The following ASIC2 variants were observed in gnomAD, a reference collection of about 807,000 sequenced individuals.
ASIC2 encodes acid-sensing ion channel 2.
A neutral mutation model predicts 57.3 loss-of-function variants in ASIC2; 25 were observed. That is an observed-to-expected ratio of 0.44 (90% confidence interval 0.32 to 0.61). The LOEUF (loss-of-function observed/expected upper bound fraction) is 0.61. ASIC2 is among the 20% of genes least tolerant of loss of function. ASIC2 has a pLI of 0.06. For missense variants in ASIC2, 641 were observed against 738.1 expected (o/e 0.87, Z 1.52); for synonymous variants, 319 against 307.5 (o/e 1.04, Z -0.39).
At chr17:33,457,255 T>C (rs1233386360) in intron 1 of ASIC2, among the ~76,000 whole-genome samples, 3 of 152,088 alleles carry the variant, frequency 2.0e-5, no homozygotes, top group Non-Finnish European at 4.4e-5. Flanking sequence ...TCTTTTTTTT[T>C]TTTTTACAAA....
chr17:33,128,974 A>G (rs1394214764), intron 1 of ASIC2, among the ~76,000 whole-genome samples: 2 of 152,200 alleles, frequency 1.3e-5, no homozygotes, highest in African/African-American at 4.8e-5. Flanking sequence ...TTTCTTATTT[A>G]TCCAAGTACT....
intron 1 of ASIC2, among the ~76,000 whole-genome samples, chr17:33,907,032 G>T (rs750580779): frequency 2.0e-5 from 3 of 152,130 alleles, no homozygotes; most frequent in Admixed American, 1.3e-4. Context: ...GATGTAATCA[G>T]CTCTTAACAA....
At chr17:33,760,089 C>G (rs1331148945) in intron 1 of ASIC2, among the ~76,000 whole-genome samples, 2 of 152,062 alleles carry the variant, frequency 1.3e-5, no homozygotes, top group Non-Finnish European at 2.9e-5. Context: ...AACTAAGATA[C>G]TGTCTCACCA....
At chr17:33,619,826 T>G (rs553731529) in intron 1 of ASIC2, among the ~76,000 whole-genome samples, 1 of 151,972 alleles carries the variant, frequency 6.6e-6, no homozygotes, top group Admixed American at 6.5e-5. Flanking sequence ...GTATGCAACC[T>G]AGCAGATATT....
intron 1 of ASIC2, among the ~76,000 whole-genome samples, chr17:33,202,863 G>A (rs1473014131): frequency 6.6e-6 from 1 of 152,116 alleles, no homozygotes; most frequent in Non-Finnish European, 1.5e-5. Context: ...ATGTCCTTCA[G>A]GAGTGGGTGG....
intron 1 of ASIC2, among the ~76,000 whole-genome samples, chr17:33,322,047 C>G (rs1189486773): frequency 6.6e-6 from 1 of 152,126 alleles, no homozygotes; most frequent in Non-Finnish European, 1.5e-5. Flanking sequence ...TGTGTTCCAC[C>G]CCTAGAGAGT....
At chr17:33,865,144 T>C (rs1914197425) in intron 1 of ASIC2, among the ~76,000 whole-genome samples, 1 of 152,172 alleles carries the variant, frequency 6.6e-6, no homozygotes, top group Non-Finnish European at 1.5e-5. Flanking sequence ...TCAGGGGACC[T>C]GGGGTGATCC....
chr17:33,649,503 T>C (rs1475768921), intron 1 of ASIC2, among the ~76,000 whole-genome samples: 4 of 152,224 alleles, frequency 2.6e-5, no homozygotes, highest in Admixed American at 6.5e-5. Flanking sequence ...AAAATCCTAG[T>C]ATTTTTTTAG....
At chr17:33,768,170 T>A (rs1910990789) in intron 1 of ASIC2, among the ~76,000 whole-genome samples, 1 of 150,982 alleles carries the variant, frequency 6.6e-6, no homozygotes, top group Admixed American at 6.6e-5. Flanking sequence ...CACCGCGCCC[T>A]GCTAATTTTT....
intron 3 of ASIC2, among the ~76,000 whole-genome samples, chr17:33,062,249 A>T (rs1328166589): frequency 6.6e-6 from 1 of 151,856 alleles, no homozygotes; most frequent in East Asian, 1.9e-4. Flanking sequence ...TTTAATTGTG[A>T]TGTTAGGGTG....
intron 1 of ASIC2, among the ~76,000 whole-genome samples, chr17:33,250,634 T>G (rs1456131964): frequency 6.6e-6 from 1 of 152,256 alleles, no homozygotes; most frequent in African/African-American, 2.4e-5. Flanking sequence ...CATTGGTCAT[T>G]TCCATATTTT....
intron 1 of ASIC2, among the ~76,000 whole-genome samples, chr17:33,893,047 C>T (rs1915004944): frequency 6.6e-6 from 1 of 152,170 alleles, no homozygotes; most frequent in Non-Finnish European, 1.5e-5. Flanking sequence ...ACACCAATTT[C>T]ATTACACTTC....
chr17:33,033,797 C>T, intron 3 of ASIC2, among the ~76,000 whole-genome samples: 1 of 152,180 alleles, frequency 6.6e-6, no homozygotes, highest in East Asian at 1.9e-4. Context: ...CAGGGTGCCC[C>T]TTCCAGGCCC....
At chr17:33,755,508 C>A (rs1910576755) in intron 1 of ASIC2, among the ~76,000 whole-genome samples, 1 of 152,090 alleles carries the variant, frequency 6.6e-6, no homozygotes, top group Admixed American at 6.6e-5. Context: ...AGCTCATAGG[C>A]TTATGCTAAG....
intron 1 of ASIC2, among the ~76,000 whole-genome samples, chr17:34,052,013 G>C (rs1419376454): frequency 6.6e-6 from 1 of 152,142 alleles, no homozygotes; most frequent in Admixed American, 6.5e-5. Context: ...TAAGGGAATA[G>C]AGATGGATTA....
intron 3 of ASIC2, among the ~76,000 whole-genome samples, chr17:33,075,804 A>C (rs1244228768): frequency 6.6e-6 from 1 of 152,182 alleles, no homozygotes. Context: ...AGCAAAAGGC[A>C]TGGAAGTGAA....
chr17:33,114,552 T>G (rs974701039), intron 1 of ASIC2, among the ~76,000 whole-genome samples: 1 of 152,220 alleles, frequency 6.6e-6, no homozygotes, highest in Non-Finnish European at 1.5e-5. Context: ...AAATTCCAAC[T>G]CCTTCACCTT....
intron 1 of ASIC2, among the ~76,000 whole-genome samples, chr17:33,231,644 A>G (rs1398525972): frequency 6.6e-6 from 1 of 151,972 alleles, no homozygotes; most frequent in Admixed American, 6.5e-5. Flanking sequence ...GACCCATCAG[A>G]TCGAGGCCTG....
intron 1 of ASIC2, among the ~76,000 whole-genome samples, chr17:33,424,490 A>T (rs1246511749): frequency 1.3e-5 from 2 of 152,230 alleles, no homozygotes. Flanking sequence ...TAATTAGTCT[A>T]TGGCAGAGGC....
Sources: gnomAD v4.1 joint callset for allele counts (sites outside exome capture counted in the v4.1 genomes callset) on GRCh38, gnomAD v4.1.1 for gene constraint, MANE v1.5 for transcripts, NCBI Gene and HGNC (gene_info 2026-07-23, HGNC 2026-07-21) for gene names.